The following KCTD19 variants were observed in gnomAD, a reference collection of about 807,000 sequenced individuals.
KCTD19 encodes the protein potassium channel tetramerization domain containing 19.
KCTD19 carries 67 observed loss-of-function variants against 103.5 expected under a neutral mutation model. The ratio of observed to expected loss-of-function variants is 0.65; its 90% confidence interval spans 0.53 to 0.79. The LOEUF is 0.79. Among genes scored for constraint, KCTD19 ranks in the 30% least tolerant of loss-of-function variants. The probability of loss-of-function intolerance (pLI) is 0.00; values close to 1 mark genes in which losing one functional copy is unlikely to be tolerated. For synonymous variants in KCTD19, 439 were observed against 452.2 expected (o/e 0.97, Z 0.37); for missense variants, 980 against 1,136.1 (o/e 0.86, Z 1.98).
rs1338767195 is a variant in KCTD19 at position 67,320,342 on chromosome 16, T to C, written c.300+247A>G. 2.6e-5 allele frequency among the ~76,000 whole-genome samples: 4 copies of C among 152,122 alleles called. No homozygotes were observed. Among genetic ancestry groups the C allele is most frequent in the Admixed American group, 2.6e-4 (4 of 15,252 alleles). On this transcript the variant is annotated intron_variant, in intron 2 of 15. Coordinates refer to ENST00000304372, the MANE Select transcript of KCTD19 (RefSeq NM_001100915.3). This position sits in a 1 kb window ranked among gnomAD's most constrained non-coding sequence, Gnocchi z 4.0. ...TTGGGAGGTGGAGGTTGCAGTGAGC[T>C]GTGATTGCAGCAGACACCCTGTCTC...
At chr16:67,290,124 GA>G (rs950709697) in intron 15 of KCTD19, among the ~76,000 whole-genome samples, 1 of 120,114 alleles carries the variant, frequency 8.3e-6, no homozygotes, top group East Asian at 2.6e-4. Context: ...AAAGGAAAAA[GA>G]AAAAAACCCT....
chr16:67,291,003 C>T lies in KCTD19; in HGVS notation c.2566-17G>A, dbSNP rs575060729. On this transcript the variant is annotated splice_polypyrimidine_tract_variant and intron_variant, in intron 14 of 15. Coordinates refer to ENST00000304372, the MANE Select transcript of KCTD19 (RefSeq NM_001100915.3). Reference sequence around the variant, plus strand: ...GTGCAGGGTCTGCCAGGAGAGCCCACAGTCAGGCAGTGCTAGGGCAGCTCC... The same window carrying T: ...GTGCAGGGTCTGCCAGGAGAGCCCATAGTCAGGCAGTGCTAGGGCAGCTCC... The T allele has an allele frequency of 1.2e-6, 2 of 1,612,396 alleles. No individual in the cohort carries two copies. The highest frequency in any genetic ancestry group is 1.7e-6 in the Non-Finnish European group (2 of 1,178,892).
Position 67,289,483 on chromosome 16 carries a change from C to G in KCTD19, c.*86G>C, listed in dbSNP as rs866404841. 1.3e-6 allele frequency: 1 copy of G among 766,826 alleles called. No individual in the cohort carries two copies. Among genetic ancestry groups the G allele is most frequent in the Non-Finnish European group, 2.3e-6 (1 of 430,154 alleles). The allele number at this position is 766,826 out of a possible 1,614,324, so 47.5% of individuals were successfully genotyped here. ...AATAAAAAATAGACTGATATGTACC[C>G]TCTGATGGGCACATGCATTCTGGGC... On this transcript the variant is annotated 3_prime_UTR_variant, in exon 16 of 16. Coordinates refer to ENST00000304372, the MANE Select transcript of KCTD19 (RefSeq NM_001100915.3).
At chr16:67,321,135 G>A (rs955057384) in intron 1 of KCTD19, among the ~76,000 whole-genome samples, 1 of 152,094 alleles carries the variant, frequency 6.6e-6, no homozygotes, top group African/African-American at 2.4e-5. Flanking sequence ...AGGTTGCAGT[G>A]AGCTATGATT....
Position 67,304,539 on chromosome 16 carries a change from A to G in KCTD19, c.333T>C (p.His111=), listed in dbSNP as rs2036871327. ...GTAGGTCTGCAGGCCGTACGCGTAG[A>G]TGGTGTTTCCCTTCCTTCAGGTTAT... ...TLDNLKEGKH[H]LRVRPADLPV... Residue 111 remains histidine (H), a synonymous_variant, in exon 3 of 16, where the codon CAT becomes CAC. Transcript: ENST00000304372. 2 of 1,614,068 alleles carry G rather than the reference A, an allele frequency of 1.2e-6. No individual in the cohort carries two copies. The highest frequency in any genetic ancestry group is 1.7e-6 in the Non-Finnish European group (2 of 1,179,932).
chr16:67,292,968 C>T (rs1173034974), intron 12 of KCTD19, among the ~76,000 whole-genome samples: 1 of 152,154 alleles, frequency 6.6e-6, no homozygotes, highest in Non-Finnish European at 1.5e-5. Context: ...GCCTGCTTCC[C>T]CTAGCCTAGA....
chr16:67,293,305 C>T lies in KCTD19; in HGVS notation c.2218+239G>A, dbSNP rs2036720959. On this transcript the variant is annotated intron_variant, in intron 12 of 15. Transcript: ENST00000304372. This position sits in a 1 kb window ranked among gnomAD's most constrained non-coding sequence, Gnocchi z 4.0. ...CCCAGCCCTCAGCCTCTTTTGTGCT[C>T]CTGCTTCATAGGCACCTCCTTCCCA... 6.6e-6 allele frequency among the ~76,000 whole-genome samples: 1 copy of T among 152,164 alleles called. No homozygotes were observed. The highest frequency in any genetic ancestry group is 1.5e-5 in the Non-Finnish European group (1 of 68,024).
Position 67,300,369 on chromosome 16 carries a change from C to CTTGTA in KCTD19, c.776-797_776-796insTACAA. 6.6e-6 allele frequency: 1 copy of CTTGTA among 152,276 alleles called. No individual in the cohort carries two copies. Among genetic ancestry groups the CTTGTA allele is most frequent in the Admixed American group, 6.5e-5 (1 of 15,286 alleles). 9.4% of individuals were successfully genotyped at this position (152,276 alleles called of 1,614,324 possible). A position where few individuals can be genotyped will look rare whatever the true frequency, so the allele number is the denominator to read the frequency against. On this transcript the variant is annotated intron_variant, in intron 5 of 15. Transcript: ENST00000304372. This position sits in a 1 kb window ranked among gnomAD's most constrained non-coding sequence, Gnocchi z 4.5. ...GCTCTGTCCAGCTCCAAGGTTACCACAGCTGTTTCCCTTATTGTGATGCTT... is the reference window on the plus strand; with the variant it reads ...GCTCTGTCCAGCTCCAAGGTTACCACTTGTAAGCTGTTTCCCTTATTGTGATGCTT...
At position 67,294,169 on chromosome 16, in the gene KCTD19, G is replaced by A. The variant is rs1268544859; in HGVS notation, c.1593C>T (p.Thr531=). 3 of 1,597,844 alleles carry A rather than the reference G, an allele frequency of 1.9e-6. No individual in the cohort carries two copies. Among genetic ancestry groups the A allele is most frequent in the Non-Finnish European group, 2.6e-6 (3 of 1,166,950 alleles). Residue 531 remains threonine, a splice_region_variant and synonymous_variant, in exon 12 of 16, where the codon ACC becomes ACT. Transcript: ENST00000304372. ...CGAAGTCCACAGGCATGTAGGCTGT[G>A]GTCTGGGGAGGGAAGGGCACAGTAA... ...LVEFSRDTKE[T]TAYMPVDFED...
rs1567447424 is a variant in KCTD19 at position 67,294,165 on chromosome 16, C to G, written c.1597G>C (p.Ala533Pro). The change falls in exon 12 of 16, where the codon GCC becomes CCC. Residue 533 changes from alanine to proline, a missense_variant. Ala to Pro is a conservative substitution (Grantham distance 27). Coordinates refer to ENST00000304372, the MANE Select transcript of KCTD19 (RefSeq NM_001100915.3). ...TCTTCGAAGTCCACAGGCATGTAGGCTGTGGTCTGGGGAGGGAAGGGCACA... is the reference window on the plus strand; with the variant it reads ...TCTTCGAAGTCCACAGGCATGTAGGGTGTGGTCTGGGGAGGGAAGGGCACA... ...EFSRDTKETT[A>P]YMPVDFEDCS... The G allele has an allele frequency of 6.2e-7, 1 of 1,600,410 alleles. No individual in the cohort carries two copies.
At chr16:67,301,476 C>T in intron 5 of KCTD19, 1 of 219,514 alleles carries the variant, frequency 4.6e-6, no homozygotes, top group Non-Finnish European at 9.0e-6. Flanking sequence ...CCCTGAGAAG[C>T]CTGCCTTCAG....
At chr16:67,307,662 A>G (rs1471003954) in intron 2 of KCTD19, among the ~76,000 whole-genome samples, 3 of 151,114 alleles carry the variant, frequency 2.0e-5, no homozygotes, top group African/African-American at 7.3e-5. Context: ...GGGCTTTGCC[A>G]TGTTGCCCAG....
Position 67,293,816 on chromosome 16 carries a change from T to G in KCTD19, c.1946A>C (p.Gln649Pro). 2 of 1,613,782 alleles carry G rather than the reference T, an allele frequency of 1.2e-6. No individual in the cohort carries two copies. The highest frequency in any genetic ancestry group is 1.7e-6 in the Non-Finnish European group (2 of 1,180,016). The change falls in exon 12 of 16, where the codon CAG becomes CCG. Residue 649 changes from glutamine (Q) to proline (P), a missense_variant. Gln to Pro is a moderately conservative substitution (Grantham distance 76). Coordinates refer to ENST00000304372, the MANE Select transcript of KCTD19 (RefSeq NM_001100915.3). This position sits in a 1 kb window ranked among gnomAD's most constrained non-coding sequence, Gnocchi z 4.0. Reference protein sequence around the residue: ...VREWDMVNCKQWEFQPLTATR... With the variant: ...VREWDMVNCKPWEFQPLTATR... The stretch of plus-strand genomic sequence containing the variant: ...GGCTGTCAGTGGCTGGAATTCCCAC[T>G]GTTTGCAATTGACCATGTCCCATTC...
chr16:67,294,802 A>G (rs956574701), intron 10 of KCTD19, 108 bp from the exon 11 acceptor site: 6 of 968,340 alleles, frequency 6.2e-6, no homozygotes, highest in African/African-American at 1.6e-5. Flanking sequence ...ACAGCAGGGA[A>G]GAAGGGGCTC....
intron 2 of KCTD19, among the ~76,000 whole-genome samples, chr16:67,318,908 A>G (rs2037041820): frequency 6.6e-6 from 1 of 152,132 alleles, no homozygotes; most frequent in Non-Finnish European, 1.5e-5. Flanking sequence ...AAAAAATACA[A>G]CAACTTGCCT....
chr16:67,310,749 C>T (rs1289465103), intron 2 of KCTD19, among the ~76,000 whole-genome samples: 1 of 152,118 alleles, frequency 6.6e-6, no homozygotes, highest in Non-Finnish European at 1.5e-5. Context: ...GGAGGTTTTC[C>T]AAAGCAGCAG....
intron 2 of KCTD19, among the ~76,000 whole-genome samples, chr16:67,306,961 G>A (rs2036899793): frequency 6.6e-6 from 1 of 152,108 alleles, no homozygotes; most frequent in Admixed American, 6.6e-5. Flanking sequence ...GGAAGAGGTA[G>A]GGGACTAAGT....
At position 67,297,599 on chromosome 16, in the gene KCTD19, C is replaced by T; in HGVS notation, c.1051G>A (p.Ala351Thr). Residue 351 changes from alanine to threonine, a missense_variant, in exon 7 of 16, where the codon GCC becomes ACC. Physicochemically the swap from Ala to Thr is moderately conservative, Grantham distance 58. Transcript: ENST00000304372. ...ETISEVYELCAFLDKRDITYE... is the reference protein window; with the variant it reads ...ETISEVYELCTFLDKRDITYE... ...GTGATGTCCCTTTTGTCTAGGAAGGCACAGAGCTCATATACCTCGGAAATG... is the reference window on the plus strand; with the variant it reads ...GTGATGTCCCTTTTGTCTAGGAAGGTACAGAGCTCATATACCTCGGAAATG... 6.2e-7 allele frequency: 1 copy of T among 1,614,094 alleles called. No individual in the cohort carries two copies. The highest frequency in any genetic ancestry group is 2.2e-5 in the East Asian group (1 of 44,876).
chr16:67,291,841 T>C lies in KCTD19; in HGVS notation c.2219-4A>G. ...GGCTGCTCAGGGGCAGGGCTTTCTG[T>C]GAAAACAACATAGGGAGGGGGCTCT... On this transcript the variant is annotated splice_region_variant and splice_polypyrimidine_tract_variant and intron_variant, in intron 12 of 15. Transcript: ENST00000304372. 6.3e-7 allele frequency: 1 copy of C among 1,582,068 alleles called. No homozygotes were observed. Among genetic ancestry groups the C allele is most frequent in the South Asian group, 1.2e-5 (1 of 86,506 alleles).
Sources: allele counts gnomAD v4.1 joint callset (sites outside exome capture counted in the v4.1 genomes callset), GRCh38; gene constraint gnomAD v4.1.1; non-coding constraint Gnocchi (gnomAD v3.1); transcripts MANE v1.5; gene names NCBI Gene and HGNC (gene_info 2026-07-23, HGNC 2026-07-21).